The following ERLEC1 variants were observed in gnomAD, a reference collection of about 807,000 sequenced individuals.
The protein encoded by ERLEC1 is ER lectin.
ERLEC1 carries 47 observed loss-of-function variants against 68.0 expected under a neutral mutation model. The observed-to-expected ratio is 0.69, with a 90% CI of 0.55 to 0.88. ERLEC1 has a LOEUF of 0.88. Among genes scored for constraint, ERLEC1 ranks in the 40% least tolerant of loss-of-function variants. The pLI is 0.00. For missense variants in ERLEC1, 567 were observed against 583.8 expected (o/e 0.97, Z 0.30); for synonymous variants, 225 against 203.2 (o/e 1.11, Z -0.91).
chr2:53,789,697 A>G (rs116337251), intron 1 of ERLEC1, among the ~76,000 whole-genome samples: 3,926 of 152,102 alleles, frequency 0.026, 154 homozygotes, highest in African/African-American at 0.09. Context: ...TAATACTTCT[A>G]TAACCTTAAG....
At chr2:53,799,012 T>G in intron 5 of ERLEC1, 35 bp from the exon 6 acceptor site, 1 of 1,604,502 alleles carries the variant, frequency 6.2e-7, no homozygotes, top group Non-Finnish European at 8.5e-7. Flanking sequence ...CATATGTCAC[T>G]GCTCATTCTT....
chr2:53,801,498 T>G lies in ERLEC1; in HGVS notation c.627T>G (p.Ser209Arg). Residue 209 changes from serine (S) to arginine (R), a missense_variant, in exon 7 of 14, where the codon AGT becomes AGG. Ser to Arg is a moderately radical substitution (Grantham distance 110). Transcript: ENST00000185150. ...TGAAACAGAACCGGCCCAGATCAAG[T>G]ACTGTGATGTACATATGTCATCCTG... The part of the protein sequence containing the change: ...CSLKQNRPRS[S>R]TVMYICHPES... The G allele has an allele frequency of 6.2e-7, 1 of 1,614,090 alleles. No individual in the cohort carries two copies. The highest frequency in any genetic ancestry group is 8.5e-7 in the Non-Finnish European group (1 of 1,179,964).
chr2:53,814,828 T>C, intron 12 of ERLEC1, 32 bp from the exon 13 acceptor site: 3 of 1,504,396 alleles, frequency 2.0e-6, no homozygotes, highest in Non-Finnish European at 2.8e-6. Flanking sequence ...TTAAATGATT[T>C]GGACAGTACC....
At chr2:53,788,623 C>T (rs938940148) in intron 1 of ERLEC1, 1 of 151,742 alleles carries the variant, frequency 6.6e-6, no homozygotes, top group Non-Finnish European at 1.5e-5. Flanking sequence ...GTCTCGAACT[C>T]CTGGGCTCAA....
chr2:53,795,915 A>C lies in ERLEC1; in HGVS notation c.268-18A>C. The C allele has an allele frequency of 1.3e-6, 2 of 1,544,942 alleles. No individual in the cohort carries two copies. The highest frequency in any genetic ancestry group is 1.8e-6 in the Non-Finnish European group (2 of 1,133,024). On this transcript the variant is annotated intron_variant, in intron 2 of 13. Transcript: ENST00000185150. Reference sequence around the variant, plus strand: ...ATTCTAGAAAAACTGTAAGTATTAAACTCCAATTCTTTCTTAGGAAGAAGA... The same window carrying C: ...ATTCTAGAAAAACTGTAAGTATTAACCTCCAATTCTTTCTTAGGAAGAAGA...
At chr2:53,797,295 A>C (rs977605656) in intron 3 of ERLEC1, among the ~76,000 whole-genome samples, 1 of 152,242 alleles carries the variant, frequency 6.6e-6, no homozygotes, top group Non-Finnish European at 1.5e-5. Flanking sequence ...CCCCAAGTGT[A>C]TTCTAGACCT....
At chr2:53,791,153 T>A (rs1055853965) in intron 1 of ERLEC1, among the ~76,000 whole-genome samples, 1 of 152,194 alleles carries the variant, frequency 6.6e-6, no homozygotes, top group African/African-American at 2.4e-5. Context: ...ACCTAATTCC[T>A]CCAGACCCAC....
rs200295316 is a variant in ERLEC1 at position 53,796,246 on chromosome 2, G to GT, written c.348+250dup. Among the ~76,000 whole-genome samples the GT allele has an allele frequency of 5.9e-3, 751 of 126,450 alleles. 6 individuals carry two copies. The highest frequency in any genetic ancestry group is 0.018 in the African/African-American group (599 of 34,154). The allele number at this position is 126,450 out of a possible 152,430, so 83.0% of individuals were successfully genotyped here. On this transcript the variant is annotated intron_variant, in intron 3 of 13. Transcript: ENST00000185150. The stretch of plus-strand genomic sequence containing the variant: ...AATGAATATAGTACCTGATGGGTTG[G>GT]TTTTTTTTTTTTTTTTTCTTTTAAT...
intron 3 of ERLEC1, among the ~76,000 whole-genome samples, chr2:53,796,626 T>C (rs1256257503): frequency 6.6e-6 from 1 of 151,940 alleles, no homozygotes; most frequent in Non-Finnish European, 1.5e-5. Context: ...TTTTGTATTT[T>C]TTATAAAAAT....
chr2:53,808,122 T>C (rs1251433536), intron 8 of ERLEC1, among the ~76,000 whole-genome samples, 177 bp from the exon 9 acceptor site: 3 of 152,198 alleles, frequency 2.0e-5, no homozygotes, highest in African/African-American at 7.2e-5. Flanking sequence ...CTAACATTTG[T>C]CTGGAGCTTT....
chr2:53,791,981 A>G (rs987144404), intron 1 of ERLEC1, among the ~76,000 whole-genome samples: 3 of 149,360 alleles, frequency 2.0e-5, no homozygotes, highest in Non-Finnish European at 3.0e-5. Context: ...GCGAGGTCTC[A>G]GCTCTCTGCA....
chr2:53,801,102 T>C (rs1675977688), intron 6 of ERLEC1, among the ~76,000 whole-genome samples: 1 of 152,174 alleles, frequency 6.6e-6, no homozygotes, highest in South Asian at 2.1e-4. Context: ...GAATAATTCA[T>C]ATTAATCATT....
At chr2:53,807,896 G>A (rs966776635) in intron 8 of ERLEC1, among the ~76,000 whole-genome samples, 1 of 151,946 alleles carries the variant, frequency 6.6e-6, no homozygotes, top group Admixed American at 6.6e-5. Context: ...GTGGTGGCAG[G>A]CTCCTATAAT....
intron 8 of ERLEC1, 128 bp from the exon 9 acceptor site, chr2:53,808,171 G>C (rs1676398750): frequency 1.1e-6 from 1 of 915,958 alleles, no homozygotes; most frequent in Admixed American, 2.9e-5. Context: ...ATCTTAAAGT[G>C]TATTAAAAGC....
chr2:53,792,125 A>G (rs1675439321), intron 1 of ERLEC1, among the ~76,000 whole-genome samples: 3 of 151,726 alleles, frequency 2.0e-5, no homozygotes, highest in Non-Finnish European at 4.4e-5. Context: ...CGTCTTAGCC[A>G]GGATAGTCTG....
chr2:53,801,329 T>C (rs1030685668), intron 6 of ERLEC1, 68 bp from the exon 7 acceptor site: 4 of 1,120,582 alleles, frequency 3.6e-6, no homozygotes, highest in African/African-American at 1.6e-5. Context: ...AATAATAAGT[T>C]CCTCTCCCAC....
intron 13 of ERLEC1, among the ~76,000 whole-genome samples, chr2:53,816,480 C>T (rs966544960): frequency 1.3e-5 from 2 of 151,752 alleles, no homozygotes; most frequent in Admixed American, 6.6e-5. Flanking sequence ...TGTTGGCTAG[C>T]CTAGTCTCGA....
intron 8 of ERLEC1, among the ~76,000 whole-genome samples, chr2:53,807,216 C>G (rs1369950117): frequency 6.6e-6 from 1 of 152,168 alleles, no homozygotes; most frequent in Non-Finnish European, 1.5e-5. Flanking sequence ...ACCTCTTCCT[C>G]AAGTCTATAT....
chr2:53,790,374 A>G (rs908263575), intron 1 of ERLEC1, among the ~76,000 whole-genome samples: 1 of 152,124 alleles, frequency 6.6e-6, no homozygotes, highest in African/African-American at 2.4e-5. Flanking sequence ...CTGGGATTAC[A>G]GGCATGAGCC....
Sources: allele counts gnomAD v4.1 joint callset (sites outside exome capture counted in the v4.1 genomes callset), GRCh38; gene constraint gnomAD v4.1.1; transcripts MANE v1.5; gene names NCBI Gene and HGNC (gene_info 2026-07-23, HGNC 2026-07-21).